Variants in DLG2 observed in about 807,000 individuals in gnomAD.
DLG2 encodes disks large homolog 2.
In DLG2, 45 loss-of-function variants were observed where a neutral mutation model predicts 132.5. That is an observed-to-expected ratio of 0.34 (90% CI 0.27 to 0.44). The LOEUF is 0.44. Among genes scored for constraint, DLG2 ranks in the 20% least tolerant of loss-of-function variants. DLG2 has a pLI of 1.00. For missense variants in DLG2, 1,045 were observed against 1,196.9 expected, an observed-to-expected ratio of 0.87 and a Z score of 1.87; for synonymous variants, 424 against 419.6, an observed-to-expected ratio of 1.01 and a Z score of -0.13.
chr11:84,555,647 A>T (rs1481990161), intron 6 of DLG2, among the ~76,000 whole-genome samples: 1 of 152,222 alleles, frequency 6.6e-6, no homozygotes, highest in Non-Finnish European at 1.5e-5. Context: ...AATGGTAGTT[A>T]TCAGGGACTA....
At chr11:85,523,212 T>TGA (rs2074456148) in intron 3 of DLG2, among the ~76,000 whole-genome samples, 1 of 152,196 alleles carries the variant, frequency 6.6e-6, no homozygotes, top group Non-Finnish European at 1.5e-5. Flanking sequence ...CACTTCACTC[T>TGA]GTACTTCTCT....
chr11:85,439,026 C>T (rs964587952), intron 3 of DLG2, among the ~76,000 whole-genome samples: 1 of 152,134 alleles, frequency 6.6e-6, no homozygotes, highest in Non-Finnish European at 1.5e-5. Flanking sequence ...ATAGTTTCTT[C>T]CTTTTTGTTG....
intron 6 of DLG2, among the ~76,000 whole-genome samples, chr11:84,761,757 G>A (rs2067659494): frequency 6.6e-6 from 1 of 152,052 alleles, no homozygotes; most frequent in Non-Finnish European, 1.5e-5. Flanking sequence ...TGAGGTTTTG[G>A]GACACAGACT....
At chr11:85,047,578 A>G (rs780576493) in intron 6 of DLG2, among the ~76,000 whole-genome samples, 1 of 152,034 alleles carries the variant, frequency 6.6e-6, no homozygotes, top group Non-Finnish European at 1.5e-5. Flanking sequence ...GTATTACATA[A>G]TCTCCCTGAG....
intron 3 of DLG2, among the ~76,000 whole-genome samples, chr11:85,529,561 G>C (rs2075041983): frequency 6.6e-6 from 1 of 151,914 alleles, no homozygotes; most frequent in African/African-American, 2.4e-5. Flanking sequence ...GCTTTAAAAA[G>C]TTCCCCTTAG....
At chr11:83,592,185 G>A (rs1437687832) in intron 19 of DLG2, among the ~76,000 whole-genome samples, 1 of 150,510 alleles carries the variant, frequency 6.6e-6, no homozygotes, top group Non-Finnish European at 1.5e-5. Context: ...GCATCGCCAA[G>A]GCAATCCTAA....
chr11:85,500,017 T>A (rs1237661794), intron 3 of DLG2, among the ~76,000 whole-genome samples: 2 of 152,142 alleles, frequency 1.3e-5, no homozygotes, highest in Non-Finnish European at 2.9e-5. Context: ...GCTAGAAGCA[T>A]TCCCTTTGAA....
intron 3 of DLG2, among the ~76,000 whole-genome samples, chr11:85,353,389 G>A (rs2083445330): frequency 6.6e-6 from 1 of 152,156 alleles, no homozygotes; most frequent in Non-Finnish European, 1.5e-5. Flanking sequence ...CACTGTTGGT[G>A]GGAGTGTAAA....
At chr11:84,206,665 GA>G (rs903737587) in intron 8 of DLG2, among the ~76,000 whole-genome samples, 6 of 152,008 alleles carry the variant, frequency 3.9e-5, no homozygotes, top group African/African-American at 9.7e-5. Flanking sequence ...AATAGGTACA[GA>G]AAAATAATCG....
At chr11:85,173,556 G>A (rs1464324223) in intron 4 of DLG2, among the ~76,000 whole-genome samples, 2 of 152,102 alleles carry the variant, frequency 1.3e-5, no homozygotes, top group Non-Finnish European at 2.9e-5. Context: ...CCACTATGAA[G>A]TAACCACATA....
At chr11:84,186,757 A>T (rs1296155433) in intron 8 of DLG2, among the ~76,000 whole-genome samples, 1 of 152,076 alleles carries the variant, frequency 6.6e-6, no homozygotes, top group African/African-American at 2.4e-5. Context: ...CAGTATATTT[A>T]TATAATCAAT....
chr11:84,090,658 T>C (rs2097076362), intron 10 of DLG2, among the ~76,000 whole-genome samples: 1 of 152,274 alleles, frequency 6.6e-6, no homozygotes, highest in Admixed American at 6.5e-5. Flanking sequence ...CTCTCCAACA[T>C]TGTTGGTAAA....
At chr11:83,528,594 A>G (rs1194350049) in intron 21 of DLG2, among the ~76,000 whole-genome samples, 2 of 152,114 alleles carry the variant, frequency 1.3e-5, no homozygotes, top group Non-Finnish European at 2.9e-5. Flanking sequence ...GTAATGCTTT[A>G]CTTCCTCTGG....
chr11:85,342,236 C>A (rs1049463075), intron 3 of DLG2, among the ~76,000 whole-genome samples: 3 of 152,114 alleles, frequency 2.0e-5, no homozygotes, highest in Non-Finnish European at 1.5e-5. Flanking sequence ...GCTTAAAATG[C>A]AAACACATTG....
intron 18 of DLG2, among the ~76,000 whole-genome samples, chr11:83,756,550 A>G (rs1417759657): frequency 1.3e-5 from 2 of 151,478 alleles, no homozygotes; most frequent in South Asian, 2.1e-4. Flanking sequence ...ACAAGCTGTG[A>G]GCCTGAACAG....
chr11:83,711,897 T>C (rs981783813), intron 18 of DLG2, among the ~76,000 whole-genome samples: 2 of 152,114 alleles, frequency 1.3e-5, no homozygotes, highest in African/African-American at 4.8e-5. Context: ...AAGCTCAACA[T>C]CAAATTATTA....
At chr11:85,471,531 TA>T (rs1425809933) in intron 3 of DLG2, among the ~76,000 whole-genome samples, 1 of 152,090 alleles carries the variant, frequency 6.6e-6, no homozygotes, top group Non-Finnish European at 1.5e-5. Flanking sequence ...TAGACAAATT[TA>T]AAGAGAATCA....
At chr11:84,286,211 C>T (rs1327062397) in intron 7 of DLG2, among the ~76,000 whole-genome samples, 1 of 152,186 alleles carries the variant, frequency 6.6e-6, no homozygotes, top group Non-Finnish European at 1.5e-5. Context: ...CAGAAATATA[C>T]ACCTAGCTCT....
At chr11:84,960,494 G>A (rs1373512703) in intron 6 of DLG2, among the ~76,000 whole-genome samples, 4 of 150,492 alleles carry the variant, frequency 2.7e-5, no homozygotes, top group Non-Finnish European at 4.4e-5. Context: ...GGAGTGCACT[G>A]GCGCAATCTC....
Sources: allele counts gnomAD v4.1 joint callset (sites outside exome capture counted in the v4.1 genomes callset), GRCh38; gene constraint gnomAD v4.1.1; transcripts MANE v1.5; gene names NCBI Gene and HGNC (gene_info 2026-07-23, HGNC 2026-07-21).